The following LRBA variants were observed in gnomAD, a reference collection of about 807,000 sequenced individuals.
LRBA encodes LPS responsive beige-like anchor protein, also known as lipopolysaccharide-responsive and beige-like anchor protein.
In LRBA, 176 loss-of-function variants were observed where a neutral mutation model predicts 330.0. That is an observed-to-expected ratio of 0.53 (90% CI 0.47 to 0.60). LRBA has a LOEUF of 0.60. Among genes scored for constraint, LRBA ranks in the 20% least tolerant of loss-of-function variants. The pLI, the probability that LRBA is intolerant of heterozygous loss-of-function variation, is 0.00. For missense variants in LRBA, 3,259 were observed against 3,444.8 expected, an observed-to-expected ratio of 0.95 and a Z score of 1.35; for synonymous variants, 1,230 against 1,193.0, an observed-to-expected ratio of 1.03 and a Z score of -0.64.
At chr4:150,393,340 T>A (rs1342776938) in intron 47 of LRBA, among the ~76,000 whole-genome samples, 3 of 152,154 alleles carry the variant, frequency 2.0e-5, no homozygotes, top group Non-Finnish European at 4.4e-5. Context: ...AATCTTTTTT[T>A]TTTTTTAATG....
At chr4:150,892,417 TAAG>T (rs1729564685) in intron 17 of LRBA, among the ~76,000 whole-genome samples, 1 of 152,208 alleles carries the variant, frequency 6.6e-6, no homozygotes, top group South Asian at 2.1e-4. Context: ...AACGTCATTG[TAAG>T]AAGAGACACG....
chr4:150,381,758 G>A (rs1375579386), intron 47 of LRBA, among the ~76,000 whole-genome samples: 1 of 97,270 alleles, frequency 1.0e-5, no homozygotes. Context: ...TCAATGTAAA[G>A]AATGTGCACC....
intron 40 of LRBA, among the ~76,000 whole-genome samples, chr4:150,545,597 TATATA>T (rs1687079701): frequency 6.6e-6 from 1 of 152,122 alleles, no homozygotes. Context: ...AAACAACAAT[TATATA>T]ATATCTAAAA....
chr4:150,322,692 C>T (rs1479348981), intron 49 of LRBA, among the ~76,000 whole-genome samples: 2 of 152,088 alleles, frequency 1.3e-5, no homozygotes, highest in Admixed American at 1.3e-4. Context: ...TAAATAAAGG[C>T]AACTAATAAG....
intron 36 of LRBA, among the ~76,000 whole-genome samples, chr4:150,694,483 T>C (rs1784447029): frequency 4.8e-5 from 1 of 21,012 alleles, no homozygotes; most frequent in Admixed American, 5.5e-4. Context: ...AAAAGCTATC[T>C]ACAGAAACTC....
intron 38 of LRBA, among the ~76,000 whole-genome samples, chr4:150,591,619 A>G (rs1285454752): frequency 1.3e-5 from 2 of 152,150 alleles, no homozygotes; most frequent in African/African-American, 4.8e-5. Flanking sequence ...CCGGGGGCAA[A>G]CATAACAGAA....
rs987626813 is a variant in LRBA, at chr4:150,265,316, C to T, written c.*406G>A. ...TTGGAAAAATACAGGACCCAAATTA[C>T]AGCATCAAATTTTCCTATTCCAATA... On this transcript the variant is annotated 3_prime_UTR_variant, in exon 57 of 57. Transcript: ENST00000651943. 1 of 159,908 alleles carries T rather than the reference C, an allele frequency of 6.3e-6. No homozygotes were observed. Among genetic ancestry groups the T allele is most frequent in the African/African-American group, 2.4e-5 (1 of 41,536 alleles). The allele number at this position is 159,908 out of a possible 1,614,324, so 9.9% of individuals were successfully genotyped here.
intron 17 of LRBA, among the ~76,000 whole-genome samples, chr4:150,880,162 T>C (rs1728202434): frequency 6.6e-6 from 1 of 152,156 alleles, no homozygotes; most frequent in Non-Finnish European, 1.5e-5. Context: ...CCCTATTCAA[T>C]AAATAGTATT....
chr4:150,356,699 CTAATT>C (rs1737891265), intron 47 of LRBA, among the ~76,000 whole-genome samples: 1 of 151,808 alleles, frequency 6.6e-6, no homozygotes, highest in Non-Finnish European at 1.5e-5. Flanking sequence ...ATCAATTTCA[CTAATT>C]TAAAGATTAC....
intron 40 of LRBA, among the ~76,000 whole-genome samples, chr4:150,505,210 A>T (rs12498862): frequency 0.15 from 22,401 of 152,178 alleles, 1,672 homozygotes; most frequent in Middle Eastern, 0.18. Context: ...AACTGAACTC[A>T]GCTCTGCACC....
chr4:150,670,999 GATGTGT>G (rs1782000222), intron 37 of LRBA, among the ~76,000 whole-genome samples: 1 of 67,720 alleles, frequency 1.5e-5, no homozygotes, highest in South Asian at 4.6e-4. Context: ...CAACATAGCT[GATGTGT>G]GTGTGTGTGT....
At chr4:150,947,324 A>G (rs1736351479) in intron 2 of LRBA, among the ~76,000 whole-genome samples, 1 of 151,876 alleles carries the variant, frequency 6.6e-6, no homozygotes, top group Admixed American at 6.6e-5. Flanking sequence ...ATAAATAAGA[A>G]TTTTACACCA....
rs527390004 is a variant in LRBA, at chr4:150,310,619, A to C, written c.7694-235T>G. 5 of 394,148 alleles carry C rather than the reference A, an allele frequency of 1.3e-5. No homozygotes were observed. In the South Asian group the frequency reaches 2.6e-4, roughly 20 times the overall value. The allele number at this position is 394,148 out of a possible 1,614,324, so 24.4% of individuals were successfully genotyped here. The stretch of plus-strand genomic sequence containing the variant: ...AGGAAAGAAAGAATAACACACTACT[A>C]TTTAAAAATAGAACACAATTCACAG... On this transcript the variant is annotated intron_variant, in intron 51 of 56. Coordinates refer to ENST00000651943, the MANE Select transcript of LRBA (RefSeq NM_001364905.1).
At chr4:150,435,406 G>A (rs946061823) in intron 46 of LRBA, among the ~76,000 whole-genome samples, 183 bp downstream of exon 46, 2 of 151,810 alleles carry the variant, frequency 1.3e-5, no homozygotes, top group African/African-American at 4.8e-5. Flanking sequence ...AAAACTCCCA[G>A]GGAAAGACAA....
intron 4 of LRBA, among the ~76,000 whole-genome samples, chr4:150,925,401 G>T (rs1006262911): frequency 5.3e-5 from 8 of 152,110 alleles, no homozygotes; most frequent in African/African-American, 1.9e-4. Flanking sequence ...ATGGATCTAT[G>T]TGAGAATTTC....
At chr4:150,610,800 A>C (rs1040190296) in intron 37 of LRBA, among the ~76,000 whole-genome samples, 1 of 152,058 alleles carries the variant, frequency 6.6e-6, no homozygotes, top group Non-Finnish European at 1.5e-5. Flanking sequence ...ATAGACATTG[A>C]CTCATTGGGA....
chr4:150,875,430 C>A (rs1398771278), intron 17 of LRBA, among the ~76,000 whole-genome samples: 1 of 151,998 alleles, frequency 6.6e-6, no homozygotes, highest in Non-Finnish European at 1.5e-5. Context: ...GAAGGGAGCT[C>A]AGACCACCAT....
intron 35 of LRBA, among the ~76,000 whole-genome samples, chr4:150,737,501 G>C (rs569992735): frequency 7.2e-6 from 1 of 138,146 alleles, no homozygotes; most frequent in South Asian, 2.5e-4. Context: ...GAAAAAGAGA[G>C]AGAGAGAAAG....
At chr4:150,489,263 A>ATATATTATATATAC (rs1561250364) in intron 41 of LRBA, among the ~76,000 whole-genome samples, 1 of 71,644 alleles carries the variant, frequency 1.4e-5, no homozygotes, top group Non-Finnish European at 2.4e-5. Flanking sequence ...ATTATATATA[A>ATATATTATATATAC]GAATATATAA....
Sources: allele counts gnomAD v4.1 joint callset (sites outside exome capture counted in the v4.1 genomes callset), GRCh38; gene constraint gnomAD v4.1.1; transcripts MANE v1.5; gene names NCBI Gene and HGNC (gene_info 2026-07-23, HGNC 2026-07-21).